The following DNER variants were observed in gnomAD, a reference collection of about 807,000 sequenced individuals.
The protein encoded by DNER is delta and Notch-like epidermal growth factor-related receptor.
DNER carries 33 observed loss-of-function variants against 78.2 expected under a neutral mutation model. The ratio of observed to expected loss-of-function variants is 0.42; its 90% confidence interval spans 0.32 to 0.56. The LOEUF (loss-of-function observed/expected upper bound fraction) is 0.56. DNER is among the 20% of genes least tolerant of loss of function. The pLI is 0.11. For missense variants in DNER, 918 were observed against 975.3 expected (o/e 0.94, Z 0.78); for synonymous variants, 417 against 384.8 (o/e 1.08, Z -0.98).
At chr2:229,594,368 C>G (rs752694758) in intron 1 of DNER, among the ~76,000 whole-genome samples, 1 of 152,198 alleles carries the variant, frequency 6.6e-6, no homozygotes, top group Admixed American at 6.5e-5. Context: ...GCAAGCAGAT[C>G]ACAAGGTGAG....
intron 1 of DNER, among the ~76,000 whole-genome samples, chr2:229,625,898 TTTG>T (rs370512119): frequency 5.3e-4 from 5 of 9,414 alleles, no homozygotes; most frequent in East Asian, 0.019. Context: ...TTTTGTTGTT[TTTG>T]TTGTTGTTGT....
At chr2:229,564,035 CCAT>C (rs1314126563) in intron 4 of DNER, among the ~76,000 whole-genome samples, 1 of 140,834 alleles carries the variant, frequency 7.1e-6, no homozygotes, top group South Asian at 2.5e-4. Flanking sequence ...CACCCCATCA[CCAT>C]CATCATCAAC....
intron 7 of DNER, among the ~76,000 whole-genome samples, chr2:229,452,784 C>G (rs556545715): frequency 6.6e-6 from 1 of 152,096 alleles, no homozygotes; most frequent in African/African-American, 2.4e-5. Context: ...CTTGCCACCA[C>G]GCCCAGCTAA....
chr2:229,701,997 T>C, intron 1 of DNER: 1 of 196,054 alleles, frequency 5.1e-6, no homozygotes, highest in Non-Finnish European at 1.1e-5. Flanking sequence ...ATTCATCTAC[T>C]GCCAAGTAGG....
At chr2:229,431,748 C>G (rs1694012052) in intron 8 of DNER, among the ~76,000 whole-genome samples, 1 of 150,444 alleles carries the variant, frequency 6.6e-6, no homozygotes, top group East Asian at 2.0e-4. Flanking sequence ...AACTAACCTG[C>G]ACATTGTGCA....
intron 8 of DNER, among the ~76,000 whole-genome samples, chr2:229,446,679 A>C (rs1319511560): frequency 6.6e-6 from 1 of 152,224 alleles, no homozygotes. Context: ...GCACACACAA[A>C]ATTTTGACTA....
In DNER at chr2:229,605,746, G is replaced by C. The variant is rs115802707; in HGVS notation, c.277-13858C>G. Among the ~76,000 whole-genome samples, 1,002 of 151,676 alleles carry C rather than the reference G, an allele frequency of 6.6e-3. 28 individuals carry two copies. Among genetic ancestry groups the C allele is most frequent in the Middle Eastern group, 0.014 (4 of 292 alleles). On this transcript the variant is annotated intron_variant, in intron 1 of 12. Transcript: ENST00000341772. ...CTACAAAAAAAAAATGCAAAAACTA[G>C]CTGGGCATGGTGGCACACACCTGCA...
chr2:229,595,435 C>T (rs930018971), intron 1 of DNER, among the ~76,000 whole-genome samples: 3 of 151,776 alleles, frequency 2.0e-5, no homozygotes, highest in Non-Finnish European at 4.4e-5. Flanking sequence ...GCACCTGCCA[C>T]CACACCTAGC....
chr2:229,389,116 C>A (rs1228153229), intron 10 of DNER, among the ~76,000 whole-genome samples: 4 of 152,020 alleles, frequency 2.6e-5, no homozygotes, highest in Non-Finnish European at 5.9e-5. Context: ...GACCTAATCT[C>A]TTCTGAGAAA....
chr2:229,551,373 C>T (rs1696732426), intron 4 of DNER, among the ~76,000 whole-genome samples: 1 of 133,918 alleles, frequency 7.5e-6, no homozygotes, highest in African/African-American at 2.7e-5. Flanking sequence ...GTGGCTCACG[C>T]CTGTAATCTC....
At chr2:229,476,432 T>C (rs1695038460) in intron 7 of DNER, among the ~76,000 whole-genome samples, 1 of 152,136 alleles carries the variant, frequency 6.6e-6, no homozygotes, top group South Asian at 2.1e-4. Context: ...GGCTCTACAT[T>C]TAATCTCTGC....
At chr2:229,425,730 G>A (rs548285088) in intron 8 of DNER, among the ~76,000 whole-genome samples, 5 of 152,190 alleles carry the variant, frequency 3.3e-5, no homozygotes, top group Non-Finnish European at 7.3e-5. Flanking sequence ...GATTCTAGCT[G>A]TAGCCAGATG....
intron 8 of DNER, among the ~76,000 whole-genome samples, chr2:229,429,213 T>G (rs1381245799): frequency 6.6e-6 from 1 of 152,216 alleles, no homozygotes; most frequent in Admixed American, 6.5e-5. Flanking sequence ...ATATTCTTGC[T>G]TCCCTTATTA....
intron 7 of DNER, among the ~76,000 whole-genome samples, chr2:229,468,544 C>G (rs371297898): frequency 6.6e-6 from 1 of 152,156 alleles, no homozygotes. Context: ...ACTTTGACCC[C>G]CTATGATTCC....
At chr2:229,370,989 T>C (rs1164409986) in intron 11 of DNER, among the ~76,000 whole-genome samples, 1 of 152,200 alleles carries the variant, frequency 6.6e-6, no homozygotes, top group African/African-American at 2.4e-5. Flanking sequence ...ACTGCTTGCA[T>C]TTATGACCAT....
At chr2:229,598,555 T>A (rs759537) in intron 1 of DNER, among the ~76,000 whole-genome samples, 55,433 of 152,064 alleles carry the variant, frequency 0.36, 10,282 homozygotes, top group East Asian at 0.5. Context: ...AACACCTTTA[T>A]GTTAAACTAC....
At chr2:229,387,572 G>GAA (rs1340647670) in intron 11 of DNER, among the ~76,000 whole-genome samples, 1 of 147,112 alleles carries the variant, frequency 6.8e-6, no homozygotes, top group Non-Finnish European at 1.5e-5. Context: ...AGAAAGAAAA[G>GAA]AAAGAAGGAA....
At chr2:229,413,121 T>G (rs1255712349) in intron 9 of DNER, among the ~76,000 whole-genome samples, 1 of 152,066 alleles carries the variant, frequency 6.6e-6, no homozygotes, top group Non-Finnish European at 1.5e-5. Flanking sequence ...AGAATTCCCT[T>G]CTCATTCCTA....
At chr2:229,454,708 A>G (rs779301005) in intron 7 of DNER, among the ~76,000 whole-genome samples, 5 of 151,960 alleles carry the variant, frequency 3.3e-5, no homozygotes, top group Non-Finnish European at 7.4e-5. Context: ...CTGCTATTAA[A>G]TCAAGGATCT....
Sources: gnomAD v4.1 joint callset for allele counts (sites outside exome capture counted in the v4.1 genomes callset) on GRCh38, gnomAD v4.1.1 for gene constraint, MANE v1.5 for transcripts, NCBI Gene and HGNC (gene_info 2026-07-23, HGNC 2026-07-21) for gene names.